Variants in BRD3 observed in about 807,000 individuals in gnomAD.
The protein encoded by BRD3 is bromodomain containing 3.
BRD3 carries 17 observed loss-of-function variants against 66.8 expected under a neutral mutation model. The observed-to-expected ratio is 0.25, with a 90% CI of 0.17 to 0.38. The LOEUF is 0.38. Ranked by LOEUF, BRD3 falls within the 10% of genes least tolerant of loss-of-function variation. The pLI is 1.00. For missense variants in BRD3, 713 were observed against 956.1 expected, an observed-to-expected ratio of 0.75 and a Z score of 3.35; for synonymous variants, 421 against 393.2, an observed-to-expected ratio of 1.07 and a Z score of -0.84.
At chr9:134,035,529 G>GGTCC (rs1843591026) in intron 10 of BRD3, among the ~76,000 whole-genome samples, 1 of 152,168 alleles carries the variant, frequency 6.6e-6, no homozygotes, top group African/African-American at 2.4e-5. Context: ...GGTGCCCCAG[G>GGTCC]GTCCGTCCTG....
At position 134,033,686 on chromosome 9, in the gene BRD3, G is replaced by A. The variant is rs1417507827; in HGVS notation, c.2085C>T (p.Pro695=). 2.6e-6 allele frequency: 2 copies of A among 755,604 alleles called. No individual in the cohort carries two copies. The highest frequency in any genetic ancestry group is 2.5e-6 in the Non-Finnish European group (1 of 407,706). The allele number at this position is 755,604 out of a possible 1,614,324, so 46.8% of individuals were successfully genotyped here. A position where few individuals can be genotyped will look rare whatever the true frequency, so the allele number is the denominator to read the frequency against. Residue 695 remains proline (P), a synonymous_variant, in exon 12 of 12, where the codon CCC becomes CCT. Coordinates refer to ENST00000303407, the MANE Select transcript of BRD3 (RefSeq NM_007371.4). This position sits in a 1 kb window ranked among gnomAD's most constrained non-coding sequence, Gnocchi z 5.1. ...TGCTGAGCCTGGACGGGCCCCCTGA[G>A]GGTGCTGAGCCGGGCTTCTCTGTGG... The part of the protein sequence containing the change: ...PARKEKPGSA[P]SGGPSRLSSS...
At chr9:134,040,606 G>C (rs1830023890) in intron 8 of BRD3, among the ~76,000 whole-genome samples, 1 of 152,254 alleles carries the variant, frequency 6.6e-6, no homozygotes, top group South Asian at 2.1e-4. Context: ...TACATGTGCA[G>C]AATGTGCAGG....
intron 7 of BRD3, among the ~76,000 whole-genome samples, chr9:134,043,346 C>T (rs1042683041): frequency 2.6e-5 from 4 of 152,258 alleles, no homozygotes; most frequent in African/African-American, 9.6e-5. Context: ...GCAAACATCC[C>T]CCTCCCTGGG....
rs202178700 is a variant in BRD3, at chr9:134,040,055, T to C, written c.1622A>G (p.Asn541Ser). 9.4e-6 allele frequency: 15 copies of C among 1,593,232 alleles called. No individual in the cohort carries two copies. The highest frequency in any genetic ancestry group is 1.3e-5 in the Non-Finnish European group (15 of 1,171,650). ...QQKKAPAKKA[N>S]STTTAGRQLK... is the part of the protein sequence containing the mutation. ...CCACCTGCCGGCCGTGGTCGTGCTG[T>C]TGGCCTTCTTGGCAGGAGCCTTCTT... Residue 541 changes from asparagine (N) to serine (S), a missense_variant, in exon 9 of 12, where the codon AAC becomes AGC. Asn to Ser is a conservative substitution (Grantham distance 46). This residue lies in a region of BRD3 where 418 missense variants were observed against 609.3 expected (regional missense o/e 0.69). Coordinates refer to ENST00000303407, the MANE Select transcript of BRD3 (RefSeq NM_007371.4).
intron 7 of BRD3, among the ~76,000 whole-genome samples, chr9:134,043,598 C>G (rs939468864): frequency 2.6e-5 from 4 of 152,212 alleles, no homozygotes; most frequent in African/African-American, 9.7e-5. Flanking sequence ...CCCGCTCGGC[C>G]GACAGCCTTG....
chr9:134,042,748 CAT>C (rs201550344), intron 7 of BRD3, among the ~76,000 whole-genome samples: 2 of 147,632 alleles, frequency 1.4e-5, no homozygotes, highest in African/African-American at 5.0e-5. Flanking sequence ...CATATATACA[CAT>C]ATATACACAT....
chr9:134,036,359 C>T (rs1278204310), intron 9 of BRD3, 35 bp from the exon 10 acceptor site: 2 of 1,571,048 alleles, frequency 1.3e-6, no homozygotes, highest in Non-Finnish European at 1.7e-6. Context: ...GGTGTTGAGT[C>T]TCCGTCTACC....
At chr9:134,035,682 G>A (rs957466747) in intron 10 of BRD3, among the ~76,000 whole-genome samples, 1 of 152,252 alleles carries the variant, frequency 6.6e-6, no homozygotes, top group Non-Finnish European at 1.5e-5. Flanking sequence ...CATGCAGTGA[G>A]GACCCCAACT....
At chr9:134,047,933 G>A (rs960549969) in intron 6 of BRD3, 150 bp downstream of exon 6, 56 of 1,121,956 alleles carry the variant, frequency 5.0e-5, no homozygotes, top group East Asian at 1.1e-4. Context: ...AGCCACAGCC[G>A]GCGCTGCGGG....
intron 9 of BRD3, 172 bp from the exon 10 acceptor site, chr9:134,036,496 C>T (rs1210801052): frequency 1.2e-5 from 19 of 1,588,076 alleles, no homozygotes; most frequent in Admixed American, 5.5e-5. Flanking sequence ...CTCCCAGCTG[C>T]GGGGTTTCCA....
chr9:134,052,120 T>G (rs1252171339), intron 3 of BRD3, among the ~76,000 whole-genome samples, 186 bp downstream of exon 3: 2 of 152,218 alleles, frequency 1.3e-5, no homozygotes, highest in Non-Finnish European at 1.5e-5. Flanking sequence ...CTTGAACTCC[T>G]GAGCTCAAGT....
At chr9:134,059,909 T>C (rs1416201029) in intron 1 of BRD3, among the ~76,000 whole-genome samples, 1 of 152,152 alleles carries the variant, frequency 6.6e-6, no homozygotes, top group East Asian at 1.9e-4. Flanking sequence ...CCTGGGACCA[T>C]GGCAGGGAAG....
At chr9:134,038,912 G>A (rs1437803277) in intron 9 of BRD3, among the ~76,000 whole-genome samples, 1 of 152,136 alleles carries the variant, frequency 6.6e-6, no homozygotes, top group Non-Finnish European at 1.5e-5. Context: ...ACCTGTATAA[G>A]AAAAATGGAT....
chr9:134,042,413 G>A (rs1830070082), intron 7 of BRD3, among the ~76,000 whole-genome samples: 1 of 152,022 alleles, frequency 6.6e-6, no homozygotes, highest in Non-Finnish European at 1.5e-5. Flanking sequence ...TCTCATGAAC[G>A]GTGAACTCCA....
intron 1 of BRD3, among the ~76,000 whole-genome samples, chr9:134,056,180 C>T (rs558593836): frequency 1.3e-5 from 2 of 152,366 alleles, no homozygotes; most frequent in South Asian, 2.1e-4. Context: ...AGGGAAATCC[C>T]GGCCAATGTG....
At position 134,036,206 on chromosome 9, in the gene BRD3, G is replaced by A; in HGVS notation, c.1762C>T (p.Pro588Ser). ...ACTACCCGGCCCAGCTTCTCCCCGG[G>A]CAGCCGGTTGATGTCCAGGCTAAGC... ...RQLSLDINRL[P>S]GEKLGRVVHI... is the part of the protein sequence containing the mutation. The change falls in exon 10 of 12, where the codon CCC (proline) becomes TCC (serine). Residue 588 changes from proline (P) to serine (S), a missense_variant. Physicochemically the swap from Pro to Ser is moderately conservative, Grantham distance 74. Coordinates refer to ENST00000303407, the MANE Select transcript of BRD3 (RefSeq NM_007371.4). The A allele has an allele frequency of 6.2e-7, 1 of 1,614,218 alleles. No individual in the cohort carries two copies. The highest frequency in any genetic ancestry group is 1.1e-5 in the South Asian group (1 of 91,086).
chr9:134,048,605 A>C, intron 5 of BRD3, 151 bp from the exon 6 acceptor site: 3 of 1,219,580 alleles, frequency 2.5e-6, no homozygotes, highest in Non-Finnish European at 2.3e-6. Flanking sequence ...ACCAAGGCTC[A>C]GGGGCCATGT....
chr9:134,059,256 C>T (rs924115629), intron 1 of BRD3, among the ~76,000 whole-genome samples: 8 of 152,222 alleles, frequency 5.3e-5, no homozygotes, highest in East Asian at 1.9e-4. Context: ...CCCTTCTCCC[C>T]GGGCCCCCAG....
intron 1 of BRD3, among the ~76,000 whole-genome samples, chr9:134,061,397 A>G (rs936123853): frequency 1.3e-5 from 2 of 152,232 alleles, no homozygotes; most frequent in Non-Finnish European, 2.9e-5. Context: ...CAGCTATAGC[A>G]TGAGTCTGGA....
Sources: gnomAD v4.1 joint callset for allele counts (sites outside exome capture counted in the v4.1 genomes callset) on GRCh38, gnomAD v4.1.1 for gene constraint, gnomAD v4.1.1 regional missense constraint, Gnocchi (gnomAD v3.1) non-coding constraint, MANE v1.5 for transcripts, NCBI Gene and HGNC (gene_info 2026-07-23, HGNC 2026-07-21) for gene names.